DCHS2: variants seen among roughly 807,000 people sequenced by gnomAD.
DCHS2 encodes protocadherin-23.
In DCHS2, 142 loss-of-function variants were observed where a neutral mutation model predicts 182.4. That is an observed-to-expected ratio of 0.78 (90% CI 0.68 to 0.89). The LOEUF (loss-of-function observed/expected upper bound fraction) is 0.89, where lower values mean the gene tolerates loss of function less well. DCHS2 is among the 40% of genes least tolerant of loss of function. DCHS2 has a pLI of 0.00. For synonymous variants in DCHS2, 1,740 were observed against 1,663.3 expected (o/e 1.05, Z -1.12); for missense variants, 4,319 against 4,198.6 (o/e 1.03, Z -0.79).
chr4:154,482,709 G>C (rs1490669), intron 1 of DCHS2, among the ~76,000 whole-genome samples: 79,913 of 151,962 alleles, frequency 0.53, 21,505 homozygotes, highest in East Asian at 0.84. Context: ...CAGAGAAGAT[G>C]GAATAGGGGA....
At chr4:154,360,314 C>T (rs1730058541) in intron 3 of DCHS2, among the ~76,000 whole-genome samples, 1 of 152,082 alleles carries the variant, frequency 6.6e-6, no homozygotes, top group Non-Finnish European at 1.5e-5. Flanking sequence ...TCATCAAATC[C>T]CTTCCAGCCT....
intron 1 of DCHS2, among the ~76,000 whole-genome samples, chr4:154,436,136 C>T (rs945440711): frequency 7.9e-5 from 12 of 152,164 alleles, no homozygotes; most frequent in African/African-American, 2.4e-4. Context: ...CTAACCTGCC[C>T]TCTACCTTCA....
At chr4:154,299,795 G>T (rs1190846575) in intron 12 of DCHS2, among the ~76,000 whole-genome samples, 1 of 152,168 alleles carries the variant, frequency 6.6e-6, no homozygotes, top group Non-Finnish European at 1.5e-5. Context: ...TATGAAGGGA[G>T]TAAGACATGA....
Position 154,490,255 on chromosome 4 carries a change from C to G in DCHS2, c.1101G>C (p.Val367=). The G allele has an allele frequency of 6.5e-7, 1 of 1,549,374 alleles. No individual in the cohort carries two copies. Among genetic ancestry groups the G allele is most frequent in the South Asian group, 1.2e-5 (1 of 84,040 alleles). ...AVEELSGVVR[V]WRPLDREAQA... is the part of the protein sequence containing the mutation. ...GTGCCTCGCGGTCCAGAGGTCTCCA[C>G]ACTCGCACCACGCCGCTCAGCTCCT... Residue 367 remains valine (V), a synonymous_variant, in exon 1 of 20, where the codon GTG becomes GTC. Coordinates refer to ENST00000357232, the MANE Select transcript of DCHS2 (RefSeq NM_001358235.2).
At chr4:154,263,634 A>G (rs1733089647) in intron 14 of DCHS2, among the ~76,000 whole-genome samples, 1 of 151,924 alleles carries the variant, frequency 6.6e-6, no homozygotes, top group Admixed American at 6.6e-5. Context: ...AAAAACTAGC[A>G]TAAAGCTGGA....
In DCHS2 at chr4:154,413,764, T is replaced by C. The variant is rs191144657; in HGVS notation, c.2053-36320A>G. Among the ~76,000 whole-genome samples the C allele has an allele frequency of 1.6e-3, 243 of 152,342 alleles. 1 individual carries two copies. Among genetic ancestry groups the C allele is most frequent in the African/African-American group, 5.5e-3 (230 of 41,588 alleles). On this transcript the variant is annotated intron_variant, in intron 1 of 19. Coordinates refer to ENST00000357232, the MANE Select transcript of DCHS2 (RefSeq NM_001358235.2). ...GATGGCCCTCCTTACCTGGCCTCCC[T>C]GTCCTTCACATAACTGTGCCCTCCA... is the stretch of plus-strand genomic sequence containing the variant.
At chr4:154,456,976 T>C (rs1734795434) in intron 1 of DCHS2, among the ~76,000 whole-genome samples, 1 of 152,190 alleles carries the variant, frequency 6.6e-6, no homozygotes, top group Non-Finnish European at 1.5e-5. Context: ...CTGTAACATG[T>C]ACATACTAAA....
Position 154,232,149 on chromosome 4 carries a change from T to A in DCHS2, c.*2387A>T, listed in dbSNP as rs1731228548. 1 of 152,076 alleles carries A rather than the reference T, an allele frequency of 6.6e-6. No homozygotes were observed. The highest frequency in any genetic ancestry group is 6.6e-5 in the Admixed American group (1 of 15,238). The allele number at this position is 152,076 out of a possible 1,614,324, so 9.4% of individuals were successfully genotyped here. On this transcript the variant is annotated 3_prime_UTR_variant, in exon 20 of 20. Coordinates refer to ENST00000357232, the MANE Select transcript of DCHS2 (RefSeq NM_001358235.2). The stretch of plus-strand genomic sequence containing the variant: ...CAGAGTGCTAAAGCCAGTGCATAGA[T>A]CAGCAAAGTAACCCAGAACATATGA...
chr4:154,419,495 A>T (rs1733008793), intron 1 of DCHS2, among the ~76,000 whole-genome samples: 1 of 151,986 alleles, frequency 6.6e-6, no homozygotes, highest in African/African-American at 2.4e-5. Context: ...TACTAAAAAT[A>T]CAAAAGTTAG....
rs1728705904 is a variant in DCHS2, at chr4:154,489,405, T to C, written c.1951A>G (p.Ile651Val). Reference protein sequence around the residue: ...PPLSATCLVSITVDDVNDNEP... With the variant: ...PPLSATCLVSVTVDDVNDNEP... ...TTGTCATTCACATCATCTACGGTGA[T>C]GCTCACCAGGCAGGTGGCAGAGAGT... The change falls in exon 1 of 20, where the codon ATC becomes GTC. Residue 651 changes from isoleucine (I) to valine (V), a missense_variant. Physicochemically the swap from Ile to Val is conservative, Grantham distance 29. Transcript: ENST00000357232. The C allele has an allele frequency of 1.9e-6, 3 of 1,551,626 alleles. No homozygotes were observed. The highest frequency in any genetic ancestry group is 2.7e-5 in the African/African-American group (2 of 73,052).
intron 1 of DCHS2, among the ~76,000 whole-genome samples, chr4:154,426,904 A>G (rs1733354564): frequency 6.6e-6 from 1 of 152,230 alleles, no homozygotes; most frequent in Non-Finnish European, 1.5e-5. Flanking sequence ...TATACATTGT[A>G]TGACTGTATC....
At position 154,320,265 on chromosome 4, in the gene DCHS2, C is replaced by T. The variant is rs1736004864; in HGVS notation, c.5020+114G>A. On this transcript the variant is annotated intron_variant, in intron 9 of 19. Transcript: ENST00000357232. Reference sequence around the variant, plus strand: ...GAGATACGCTGTGCAACATTGAACTCACAGTCAACAACAATGTATTGTACA... The same window carrying T: ...GAGATACGCTGTGCAACATTGAACTTACAGTCAACAACAATGTATTGTACA... 2.1e-6 allele frequency: 3 copies of T among 1,456,938 alleles called. No individual in the cohort carries two copies. The South Asian group carries it at 4.3e-5, about 21-fold the overall frequency. 90.3% of individuals were successfully genotyped at this position (1,456,938 alleles called of 1,614,324 possible).
At chr4:154,446,057 C>T (rs1734273117) in intron 1 of DCHS2, among the ~76,000 whole-genome samples, 1 of 152,170 alleles carries the variant, frequency 6.6e-6, no homozygotes, top group African/African-American at 2.4e-5. Context: ...CTACATTTTC[C>T]TGTCAGAAAG....
chr4:154,242,584 A>T, intron 17 of DCHS2, 58 bp downstream of exon 17: 1 of 1,563,924 alleles, frequency 6.4e-7, no homozygotes, highest in South Asian at 1.2e-5. Context: ...GCTAAAGAAA[A>T]TGGTAAATGA....
chr4:154,316,541 G>A lies in DCHS2; in HGVS notation c.5021-554C>T, dbSNP rs1735861535. 2.0e-5 allele frequency among the ~76,000 whole-genome samples: 3 copies of A among 152,084 alleles called. No homozygotes were observed. The South Asian group carries it at 6.2e-4, about 31-fold the overall frequency. Reference sequence around the variant, plus strand: ...CTTACACTTGTAATCCCAGCACTTTGGGAGGCCAAGGCAGGAGGATCACTT... The same window carrying A: ...CTTACACTTGTAATCCCAGCACTTTAGGAGGCCAAGGCAGGAGGATCACTT... On this transcript the variant is annotated intron_variant, in intron 9 of 19. Coordinates refer to ENST00000357232, the MANE Select transcript of DCHS2 (RefSeq NM_001358235.2).
intron 1 of DCHS2, among the ~76,000 whole-genome samples, chr4:154,402,437 G>A (rs532765337): frequency 1.3e-5 from 2 of 152,332 alleles, no homozygotes; most frequent in South Asian, 2.1e-4. Flanking sequence ...AATTGGGACA[G>A]TGATAAAGGT....
intron 1 of DCHS2, among the ~76,000 whole-genome samples, chr4:154,452,137 G>A (rs887330320): frequency 6.6e-6 from 1 of 152,116 alleles, no homozygotes; most frequent in Admixed American, 6.6e-5. Flanking sequence ...ATCATCATGG[G>A]TTTGTGCCCA....
intron 1 of DCHS2, among the ~76,000 whole-genome samples, chr4:154,467,569 A>G (rs1245596431): frequency 2.0e-5 from 3 of 152,196 alleles, no homozygotes. Context: ...AGAAATGTCA[A>G]AAGTTTAAAC....
chr4:154,316,051 C>T (rs1233631188), intron 9 of DCHS2, 64 bp from the exon 10 acceptor site: 3 of 1,584,000 alleles, frequency 1.9e-6, no homozygotes, highest in African/African-American at 2.7e-5. Context: ...CATGCTTACT[C>T]CACTTATATC....
Sources: gnomAD v4.1 joint callset for allele counts (sites outside exome capture counted in the v4.1 genomes callset) on GRCh38, gnomAD v4.1.1 for gene constraint, MANE v1.5 for transcripts, NCBI Gene and HGNC (gene_info 2026-07-23, HGNC 2026-07-21) for gene names.